The following CALCOCO2 variants were observed in gnomAD, a reference collection of about 807,000 sequenced individuals.
CALCOCO2 encodes the protein calcium-binding and coiled-coil domain-containing protein 2.
Under a neutral mutation model 62.5 loss-of-function variants are expected in CALCOCO2, and 42 were observed. The ratio of observed to expected loss-of-function variants is 0.67; its 90% CI spans 0.53 to 0.87. CALCOCO2 has a LOEUF of 0.87. Ranked by LOEUF, CALCOCO2 falls within the 40% of genes least tolerant of loss-of-function variation. The pLI is 0.00. For missense variants in CALCOCO2, 456 were observed against 515.0 expected (o/e 0.89, Z 1.11); for synonymous variants, 167 against 173.0 (o/e 0.97, Z 0.27).
intron 10 of CALCOCO2, 34 bp from the exon 11 acceptor site, chr17:48,860,280 T>C: frequency 1.3e-6 from 2 of 1,599,448 alleles, no homozygotes; most frequent in Non-Finnish European, 1.7e-6. Context: ...CTTGGTATTG[T>C]CTTTCAACAT....
rs1433131675 is a variant in CALCOCO2, at chr17:48,851,431, A to T, written c.633-128A>T. ...AGTCAGGAAGCCAAAACAGGACTGC[A>T]ATGGAGACTAGTAGATTTTTAAATA... On this transcript the variant is annotated intron_variant, in intron 6 of 12. Coordinates refer to ENST00000258947, the MANE Select transcript of CALCOCO2 (RefSeq NM_005831.5). 4.5e-6 allele frequency: 3 copies of T among 671,786 alleles called. No individual in the cohort carries two copies. The African/African-American group carries it at 5.4e-5, about 12-fold the overall frequency. 41.6% of individuals were successfully genotyped at this position (671,786 alleles called of 1,614,324 possible).
At chr17:48,836,758 CTTTTTTT>C (rs762035927) in intron 1 of CALCOCO2, among the ~76,000 whole-genome samples, 1 of 122,358 alleles carries the variant, frequency 8.2e-6, no homozygotes, top group African/African-American at 3.0e-5. Flanking sequence ...GGAAGTCACT[CTTTTTTT>C]TTTTTTTTTT....
intron 9 of CALCOCO2, chr17:48,853,336 A>AT (rs2040160773): frequency 4.6e-6 from 1 of 216,030 alleles, no homozygotes; most frequent in South Asian, 9.4e-5. Flanking sequence ...AGACAAATGA[A>AT]TGGTTATAAA....
Position 48,848,127 on chromosome 17 carries a change from A to G in CALCOCO2, c.244A>G (p.Asn82Asp), listed in dbSNP as rs1031636300. 5 of 1,613,668 alleles carry G rather than the reference A, an allele frequency of 3.1e-6. No homozygotes were observed. Among genetic ancestry groups the G allele is most frequent in the Non-Finnish European group, 4.2e-6 (5 of 1,179,702 alleles). The change falls in exon 3 of 13, where the codon AAC becomes GAC. Residue 82 changes from asparagine (N) to aspartate (D), a missense_variant. Asn to Asp is a conservative substitution (Grantham distance 23, BLOSUM62 1). This residue lies in a region of CALCOCO2 where 236 missense variants were observed against 225.3 expected (regional missense o/e 1.05). Transcript: ENST00000258947. ...FMWVTLPIDL[N>D]NKSAKQQEVQ... ...GTGGGTTACTTTGCCCATTGACCTA[A>G]ACAACAAATCAGCTAAACAGCAGGA...
chr17:48,835,086 C>G (rs1420662624), intron 1 of CALCOCO2, among the ~76,000 whole-genome samples: 1 of 152,166 alleles, frequency 6.6e-6, no homozygotes, highest in Non-Finnish European at 1.5e-5. Context: ...CTTCCCTCCC[C>G]TGTCCACAAA....
rs2040359946 is a variant in CALCOCO2, at chr17:48,863,952, C to G, written c.*947C>G. 1 of 151,922 alleles carries G rather than the reference C, an allele frequency of 6.6e-6. No homozygotes were observed. Among genetic ancestry groups the G allele is most frequent in the Admixed American group, 6.6e-5 (1 of 15,224 alleles). The allele number at this position is 151,922 out of a possible 1,614,324, so 9.4% of individuals were successfully genotyped here. A position where few individuals can be genotyped will look rare whatever the true frequency, so the allele number is the denominator to read the frequency against. ...AGGGCAGACCCCGCCAATGATTTCTCTTCACCTGTCTTAAGATTAAATAAA... is the reference window on the plus strand; with the variant it reads ...AGGGCAGACCCCGCCAATGATTTCTGTTCACCTGTCTTAAGATTAAATAAA... On this transcript the variant is annotated 3_prime_UTR_variant, in exon 13 of 13. Coordinates refer to ENST00000258947, the MANE Select transcript of CALCOCO2 (RefSeq NM_005831.5).
At chr17:48,848,516 A>G (rs939375841) in intron 4 of CALCOCO2, 61 bp downstream of exon 4, 34 of 1,493,172 alleles carry the variant, frequency 2.3e-5, no homozygotes, top group Non-Finnish European at 3.1e-5. Context: ...ATAGGATAGG[A>G]TGGAATTTGA....
intron 10 of CALCOCO2, chr17:48,856,456 A>T: frequency 1.3e-5 from 6 of 468,748 alleles, no homozygotes; most frequent in Admixed American, 5.4e-5. Context: ...TTTTGCTTTT[A>T]ACTTCACAGC....
intron 1 of CALCOCO2, 125 bp from the exon 2 acceptor site, chr17:48,841,573 A>G (rs2039974616): frequency 1.8e-6 from 1 of 559,586 alleles, no homozygotes; most frequent in African/African-American, 1.9e-5. Context: ...TAATCTCAGT[A>G]TTTGTCAGGA....
intron 10 of CALCOCO2, among the ~76,000 whole-genome samples, chr17:48,860,080 C>A (rs1337147790): frequency 6.6e-6 from 1 of 152,110 alleles, no homozygotes; most frequent in African/African-American, 2.4e-5. Context: ...GGTGACAGAG[C>A]AAGACTCTGA....
intron 1 of CALCOCO2, among the ~76,000 whole-genome samples, chr17:48,836,477 T>G (rs780324103): frequency 1.3e-5 from 2 of 152,244 alleles, no homozygotes; most frequent in Admixed American, 6.5e-5. Context: ...CCTTTTTTAC[T>G]TTTTGATGAA....
chr17:48,845,371 CTGTGTGTGTGTGTG>C (rs56280364), intron 2 of CALCOCO2, among the ~76,000 whole-genome samples: 4,723 of 116,134 alleles, frequency 0.041, 130 homozygotes, highest in African/African-American at 0.059. Flanking sequence ...TAAATCCTCA[CTGTGTGTGTGTGTG>C]TGTGTGTGTG....
At chr17:48,848,554 C>T (rs953502877) in intron 4 of CALCOCO2, 99 bp downstream of exon 4, 26 of 1,112,862 alleles carry the variant, frequency 2.3e-5, no homozygotes, top group African/African-American at 1.6e-4. Flanking sequence ...GAATATCTAA[C>T]GGGTATCATT....
intron 10 of CALCOCO2, among the ~76,000 whole-genome samples, chr17:48,858,959 C>T (rs914289052): frequency 8.0e-5 from 11 of 138,056 alleles, no homozygotes; most frequent in Admixed American, 1.6e-4. Flanking sequence ...GCAGGAGAAT[C>T]GCTTGAACCC....
intron 4 of CALCOCO2, chr17:48,848,901 A>C (rs542591157): frequency 2.7e-5 from 13 of 474,882 alleles, no homozygotes; most frequent in South Asian, 2.0e-4. Context: ...TATGGTAGGC[A>C]CTGGGAACAC....
intron 4 of CALCOCO2, chr17:48,848,892 A>G (rs1402044066): frequency 8.4e-6 from 4 of 476,944 alleles, no homozygotes; most frequent in Non-Finnish European, 1.7e-5. Context: ...ATCCAGCACT[A>G]TGGTAGGCAC....
At chr17:48,855,955 T>C in intron 9 of CALCOCO2, 137 bp from the exon 10 acceptor site, 1 of 437,394 alleles carries the variant, frequency 2.3e-6, no homozygotes, top group Non-Finnish European at 4.2e-6. Flanking sequence ...CTGCCCATAG[T>C]ACCATTTCTT....
intron 10 of CALCOCO2, among the ~76,000 whole-genome samples, chr17:48,859,904 G>A (rs1476978319): frequency 2.6e-5 from 4 of 152,096 alleles, no homozygotes; most frequent in Admixed American, 6.6e-5. Context: ...AGACCAGCCC[G>A]GCCAACATGG....
chr17:48,844,404 C>A (rs946177490), intron 2 of CALCOCO2, among the ~76,000 whole-genome samples: 1 of 151,834 alleles, frequency 6.6e-6, no homozygotes, highest in African/African-American at 2.4e-5. Flanking sequence ...TTCCCCCAAG[C>A]GCTTAGCAAC....
Sources: gnomAD v4.1 joint callset for allele counts (sites outside exome capture counted in the v4.1 genomes callset) on GRCh38, gnomAD v4.1.1 for gene constraint, gnomAD v4.1.1 regional missense constraint, MANE v1.5 for transcripts, NCBI Gene and HGNC (gene_info 2026-07-23, HGNC 2026-07-21) for gene names.